PRKCH: variants seen among roughly 807,000 people sequenced by gnomAD.
The protein encoded by PRKCH is protein kinase C eta type.
PRKCH carries 28 observed loss-of-function variants against 82.5 expected under a neutral mutation model. The observed-to-expected ratio is 0.34, with a 90% CI of 0.25 to 0.47. The LOEUF is 0.47. PRKCH is among the 20% of genes least tolerant of loss of function. The probability of loss-of-function intolerance (pLI) is 1.00; values close to 1 mark genes in which losing one functional copy is unlikely to be tolerated. For missense variants in PRKCH, 705 were observed against 881.8 expected (o/e 0.80, Z 2.54); for synonymous variants, 322 against 327.4 (o/e 0.98, Z 0.18).
At chr14:61,289,773 A>G (rs1036874151) in intron 1 of PRKCH, among the ~76,000 whole-genome samples, 7 of 152,330 alleles carry the variant, frequency 4.6e-5, no homozygotes, top group African/African-American at 1.4e-4. Flanking sequence ...ACTTCACAGC[A>G]TAAGAGTGAA....
intron 1 of PRKCH, among the ~76,000 whole-genome samples, chr14:61,335,915 G>T (rs1006153700): frequency 2.3e-4 from 35 of 152,200 alleles, no homozygotes; most frequent in Admixed American, 2.2e-3. Context: ...ATCATAGTGT[G>T]ATGGTTGGGT....
intron 10 of PRKCH, among the ~76,000 whole-genome samples, chr14:61,518,443 AAAAAG>A (rs1240487115): frequency 6.6e-5 from 10 of 151,486 alleles, no homozygotes; most frequent in African/African-American, 2.2e-4. Context: ...TGCAAAAAAA[AAAAAG>A]AAAAAGAAAA....
At chr14:61,218,439 G>A (rs1185735227) in intron 1 of PRKCH, among the ~76,000 whole-genome samples, 1 of 152,172 alleles carries the variant, frequency 6.6e-6, no homozygotes, top group East Asian at 1.9e-4. Flanking sequence ...GTTGGGATAA[G>A]AAGCTTTGGT....
At chr14:61,219,628 T>C (rs773419601) in intron 1 of PRKCH, among the ~76,000 whole-genome samples, 2 of 152,248 alleles carry the variant, frequency 1.3e-5, no homozygotes, top group Non-Finnish European at 2.9e-5. Flanking sequence ...AGTTCCTTTA[T>C]ATCTTAGGGT....
intron 1 of PRKCH, chr14:61,353,629 C>T (rs1396445468): frequency 6.6e-6 from 1 of 152,068 alleles, no homozygotes. Flanking sequence ...TTATACTGAC[C>T]TATTAAATAA....
rs535322009 is a variant in PRKCH, at chr14:61,379,435, A to G, written c.364-11790A>G. On this transcript the variant is annotated intron_variant, in intron 1 of 13. Transcript: ENST00000332981. The stretch of plus-strand genomic sequence containing the variant: ...TTCCCTGCAGACTGAGCAATGAATA[A>G]TTAAGCAAACAAGTCTCTAAAACAT... 1.7e-3 allele frequency among the ~76,000 whole-genome samples: 254 copies of G among 152,374 alleles called. 2 individuals are homozygous for G. The highest frequency in any genetic ancestry group is 5.2e-3 in the African/African-American group (215 of 41,588).
At chr14:61,482,421 C>G (rs1886021308) in intron 9 of PRKCH, among the ~76,000 whole-genome samples, 2 of 152,198 alleles carry the variant, frequency 1.3e-5, no homozygotes, top group African/African-American at 4.8e-5. Context: ...ATGGGGTGAA[C>G]AGAAGTGCAG....
intron 2 of PRKCH, among the ~76,000 whole-genome samples, chr14:61,417,897 G>A (rs1372999866): frequency 6.6e-6 from 1 of 152,206 alleles, no homozygotes; most frequent in East Asian, 1.9e-4. Context: ...TTCAAGGACT[G>A]ATGAGGAAGC....
chr14:61,332,576 G>A (rs943817343), intron 1 of PRKCH, among the ~76,000 whole-genome samples: 2 of 152,268 alleles, frequency 1.3e-5, no homozygotes, highest in Admixed American at 6.5e-5. Context: ...TGTTTAGTTT[G>A]TGCTTGTGGT....
chr14:61,439,174 A>T (rs369905019), intron 2 of PRKCH, among the ~76,000 whole-genome samples: 3 of 152,260 alleles, frequency 2.0e-5, no homozygotes, highest in African/African-American at 7.2e-5. Context: ...CATAGTATTC[A>T]ATAGGGTTTT....
At chr14:61,218,170 A>G (rs1272326321) in intron 1 of PRKCH, among the ~76,000 whole-genome samples, 1 of 152,202 alleles carries the variant, frequency 6.6e-6, no homozygotes, top group Non-Finnish European at 1.5e-5. Context: ...GTTCTCTCCA[A>G]AAAAAGCAAA....
intron 1 of PRKCH, among the ~76,000 whole-genome samples, chr14:61,244,100 T>C (rs558624212): frequency 3.9e-5 from 6 of 152,296 alleles, no homozygotes; most frequent in Non-Finnish European, 8.8e-5. Flanking sequence ...AGTAGAAGGC[T>C]GAGCAGCAAG....
chr14:61,505,053 A>AAATAAGTG (rs1179331509), intron 10 of PRKCH, among the ~76,000 whole-genome samples: 1 of 152,176 alleles, frequency 6.6e-6, no homozygotes, highest in African/African-American at 2.4e-5. Flanking sequence ...ACATGGAAGG[A>AAATAAGTG]AATAAGTGAG....
intron 2 of PRKCH, among the ~76,000 whole-genome samples, chr14:61,427,263 G>C (rs1883153953): frequency 6.6e-6 from 1 of 152,188 alleles, no homozygotes; most frequent in African/African-American, 2.4e-5. Flanking sequence ...TAAGGACTTA[G>C]AATCAATAGA....
chr14:61,283,262 T>A (rs548411511), intron 1 of PRKCH, among the ~76,000 whole-genome samples: 3 of 152,194 alleles, frequency 2.0e-5, no homozygotes, highest in Non-Finnish European at 4.4e-5. Context: ...CTTTCCTCCT[T>A]TTCTCCTATT....
At chr14:61,328,047 G>A (rs1247088001) in intron 1 of PRKCH, among the ~76,000 whole-genome samples, 2 of 151,120 alleles carry the variant, frequency 1.3e-5, no homozygotes, top group Non-Finnish European at 3.0e-5. Flanking sequence ...TCAGGAGATC[G>A]AGACCATCCT....
intron 1 of PRKCH, among the ~76,000 whole-genome samples, chr14:61,210,973 A>C (rs1255232395): frequency 6.6e-6 from 1 of 152,198 alleles, no homozygotes; most frequent in African/African-American, 2.4e-5. Flanking sequence ...AGTAAATGCC[A>C]TGCTGCTGTC....
At chr14:61,423,029 A>C (rs960239749) in intron 2 of PRKCH, among the ~76,000 whole-genome samples, 9 of 152,206 alleles carry the variant, frequency 5.9e-5, no homozygotes, top group Admixed American at 4.6e-4. Context: ...TGAATGAATG[A>C]ATGAAGTTGC....
intron 1 of PRKCH, among the ~76,000 whole-genome samples, chr14:61,222,450 T>C (rs1467657540): frequency 1.3e-5 from 2 of 152,222 alleles, no homozygotes; most frequent in African/African-American, 4.8e-5. Context: ...ACTTCAAAAC[T>C]CCCTCATATC....
Sources: allele counts gnomAD v4.1 joint callset (sites outside exome capture counted in the v4.1 genomes callset), GRCh38; gene constraint gnomAD v4.1.1; transcripts MANE v1.5; gene names NCBI Gene and HGNC (gene_info 2026-07-23, HGNC 2026-07-21).